TCAIM: variants seen among roughly 807,000 people sequenced by gnomAD.
The protein encoded by TCAIM is T-cell activation inhibitor, mitochondrial.
A neutral mutation model predicts 58.6 loss-of-function variants in TCAIM; 36 were observed. The observed-to-expected ratio is 0.61, with a 90% CI of 0.47 to 0.81. TCAIM has a LOEUF of 0.81. Among genes scored for constraint, TCAIM ranks in the 30% least tolerant of loss-of-function variants. The pLI is 0.00. For synonymous variants in TCAIM, 172 were observed against 193.6 expected, an observed-to-expected ratio of 0.89 and a Z score of 0.93; for missense variants, 466 against 579.6, an observed-to-expected ratio of 0.80 and a Z score of 2.01.
chr3:44,408,224 C>G lies in TCAIM; in HGVS notation c.*542C>G, dbSNP rs1036560430. The G allele has an allele frequency of 6.6e-6, 1 of 152,206 alleles. No homozygotes were observed. Among genetic ancestry groups the G allele is most frequent in the Non-Finnish European group, 1.5e-5 (1 of 68,094 alleles). 9.4% of individuals were successfully genotyped at this position (152,206 alleles called of 1,614,324 possible). On this transcript the variant is annotated 3_prime_UTR_variant, in exon 11 of 11. Transcript: ENST00000342649. ...TATGTGTGTGTAAATATAAAGGTCT[C>G]ACATTCAGAGTATAGCTCTGAAATA... is the stretch of plus-strand genomic sequence containing the variant.
chr3:44,399,534 G>A (rs536788509), intron 8 of TCAIM, among the ~76,000 whole-genome samples: 61 of 152,034 alleles, frequency 4.0e-4, no homozygotes, highest in Non-Finnish European at 5.3e-4. Flanking sequence ...CAGCCCCTAC[G>A]TCCCCCTTCA....
At chr3:44,392,420 G>A (rs1419916304) in intron 5 of TCAIM, among the ~76,000 whole-genome samples, 2 of 152,032 alleles carry the variant, frequency 1.3e-5, no homozygotes, top group African/African-American at 2.4e-5. Context: ...AGTTTATTCT[G>A]TTACCTAGGT....
At chr3:44,403,778 C>T (rs1702058177) in intron 10 of TCAIM, among the ~76,000 whole-genome samples, 1 of 152,200 alleles carries the variant, frequency 6.6e-6, no homozygotes, top group South Asian at 2.1e-4. Flanking sequence ...CCCCAGTCCA[C>T]CTTCAGAGCA....
chr3:44,407,403 T>C, intron 10 of TCAIM, 39 bp from the exon 11 acceptor site: 1 of 1,325,612 alleles, frequency 7.5e-7, no homozygotes, highest in Non-Finnish European at 1.0e-6. Flanking sequence ...TATGACAATA[T>C]TTGTTCTTAT....
chr3:44,375,647 A>G (rs1375430265), intron 5 of TCAIM, among the ~76,000 whole-genome samples: 1 of 152,238 alleles, frequency 6.6e-6, no homozygotes, highest in East Asian at 1.9e-4. Context: ...CAAACAGACA[A>G]CCACAACCAG....
At chr3:44,364,685 T>C (rs1701346517) in intron 4 of TCAIM, among the ~76,000 whole-genome samples, 1 of 148,896 alleles carries the variant, frequency 6.7e-6, no homozygotes, top group South Asian at 2.1e-4. Context: ...GAGGTTGCAG[T>C]GAGGCAAGAT....
In TCAIM at chr3:44,397,675, G is replaced by A. The variant is rs184669543; in HGVS notation, c.885+841G>A. 2.3e-3 allele frequency among the ~76,000 whole-genome samples: 346 copies of A among 152,200 alleles called. 1 individual carries two copies. Among genetic ancestry groups the A allele is most frequent in the African/African-American group, 8.1e-3 (335 of 41,532 alleles). Reference sequence around the variant, plus strand: ...TAGAATGGCTGGATCATATGGTAGAGCATTTTAACTTTTTAAAAAACTGCC... The same window carrying A: ...TAGAATGGCTGGATCATATGGTAGAACATTTTAACTTTTTAAAAAACTGCC... On this transcript the variant is annotated intron_variant, in intron 8 of 10. Coordinates refer to ENST00000342649, the MANE Select transcript of TCAIM (RefSeq NM_173826.4).
At chr3:44,356,147 T>C (rs1701185366) in intron 2 of TCAIM, among the ~76,000 whole-genome samples, 1 of 152,252 alleles carries the variant, frequency 6.6e-6, no homozygotes, top group African/African-American at 2.4e-5. Flanking sequence ...TCTACCATTT[T>C]AAAAACATAA....
intron 8 of TCAIM, among the ~76,000 whole-genome samples, chr3:44,399,318 T>C (rs1443225003): frequency 6.6e-6 from 1 of 152,184 alleles, no homozygotes; most frequent in Non-Finnish European, 1.5e-5. Flanking sequence ...AGTTACCATA[T>C]ATACATGAGT....
chr3:44,356,824 A>AAC (rs1553657416), intron 2 of TCAIM, among the ~76,000 whole-genome samples: 34 of 149,834 alleles, frequency 2.3e-4, no homozygotes, highest in Non-Finnish European at 3.4e-4. Flanking sequence ...AAAAAAAAAA[A>AAC]AAACAGTCGG....
chr3:44,405,529 T>G (rs1447575992), intron 10 of TCAIM, among the ~76,000 whole-genome samples: 2 of 151,904 alleles, frequency 1.3e-5, no homozygotes, highest in Admixed American at 1.3e-4. Flanking sequence ...AAAAATTAGC[T>G]GGGTGTGGTG....
chr3:44,369,386 C>G (rs1701428627), intron 5 of TCAIM, among the ~76,000 whole-genome samples: 3 of 152,192 alleles, frequency 2.0e-5, no homozygotes, highest in Non-Finnish European at 2.9e-5. Context: ...TTTTGGACTT[C>G]ACTCAAGTTA....
rs1322417392 is a variant in TCAIM, at chr3:44,385,390, T to A, written c.573-7465T>A. On this transcript the variant is annotated intron_variant, in intron 5 of 10. Coordinates refer to ENST00000342649, the MANE Select transcript of TCAIM (RefSeq NM_173826.4). The stretch of plus-strand genomic sequence containing the variant: ...AAATAGATCCATATACTTATTTAAA[T>A]TGTTTTAAAGAAAAATACAGGGACT... 2.0e-5 allele frequency among the ~76,000 whole-genome samples: 3 copies of A among 152,248 alleles called. No homozygotes were observed. The East Asian group carries it at 5.8e-4, about 29-fold the overall frequency.
In TCAIM at chr3:44,360,899, C is replaced by T. The variant is rs142849333; in HGVS notation, c.166-466C>T. 4.1e-3 allele frequency among the ~76,000 whole-genome samples: 628 copies of T among 152,296 alleles called. 9 individuals carry two copies. Among genetic ancestry groups the T allele is most frequent in the African/African-American group, 0.014 (597 of 41,560 alleles). The stretch of plus-strand genomic sequence containing the variant: ...CTGGGATTATAGACATGAGCCACCA[C>T]GTCCAGCCTTCTTGTGTTGCTTTTC... On this transcript the variant is annotated intron_variant, in intron 3 of 10. Coordinates refer to ENST00000342649, the MANE Select transcript of TCAIM (RefSeq NM_173826.4).
chr3:44,391,934 C>A (rs931806504), intron 5 of TCAIM, among the ~76,000 whole-genome samples: 3 of 152,196 alleles, frequency 2.0e-5, no homozygotes, highest in African/African-American at 7.2e-5. Flanking sequence ...GACTTTTACA[C>A]CTTTTTAGCT....
intron 5 of TCAIM, among the ~76,000 whole-genome samples, chr3:44,381,813 A>G (rs1443174646): frequency 6.6e-6 from 1 of 152,198 alleles, no homozygotes; most frequent in Non-Finnish European, 1.5e-5. Flanking sequence ...ATACACAAAA[A>G]TTAATTGCAT....
intron 5 of TCAIM, among the ~76,000 whole-genome samples, chr3:44,378,979 C>T (rs931145477): frequency 4.0e-5 from 6 of 151,228 alleles, no homozygotes; most frequent in Admixed American, 6.6e-5. Flanking sequence ...GGCAACATGA[C>T]GAGACCCCTT....
At chr3:44,402,140 C>T (rs532712324) in intron 10 of TCAIM, among the ~76,000 whole-genome samples, 1 of 152,100 alleles carries the variant, frequency 6.6e-6, no homozygotes, top group South Asian at 2.1e-4. Flanking sequence ...CACAGTGGCT[C>T]AAGCCTGTAA....
intron 5 of TCAIM, among the ~76,000 whole-genome samples, chr3:44,371,154 C>T (rs60563900): frequency 0.013 from 2,000 of 151,886 alleles, 51 homozygotes; most frequent in African/African-American, 0.045. Context: ...TCAGGTGATC[C>T]GCCCACCTCG....
Sources: allele counts gnomAD v4.1 joint callset (sites outside exome capture counted in the v4.1 genomes callset), GRCh38; gene constraint gnomAD v4.1.1; transcripts MANE v1.5; gene names NCBI Gene and HGNC (gene_info 2026-07-23, HGNC 2026-07-21).